POLR3A: variants seen among roughly 807,000 people sequenced by gnomAD.
POLR3A encodes the protein RNA polymerase III subunit A, also known as DNA-directed RNA polymerase III subunit RPC1.
In POLR3A, 112 loss-of-function variants were observed where a neutral mutation model predicts 152.8. That is an observed-to-expected ratio of 0.73 (90% CI 0.63 to 0.86). The LOEUF (loss-of-function observed/expected upper bound fraction) is 0.86. Ranked by LOEUF, POLR3A falls within the 40% of genes least tolerant of loss-of-function variation. The pLI, the probability that POLR3A is intolerant of heterozygous loss-of-function variation, is 0.00. For synonymous variants in POLR3A, 615 were observed against 652.1 expected, an observed-to-expected ratio of 0.94 and a Z score of 0.87; for missense variants, 1,385 against 1,743.1, an observed-to-expected ratio of 0.79 and a Z score of 3.66.
intron 15 of POLR3A, among the ~76,000 whole-genome samples, chr10:78,005,699 G>A (rs1847404298): frequency 6.6e-6 from 1 of 152,238 alleles, no homozygotes; most frequent in Non-Finnish European, 1.5e-5. Context: ...CTAGTGGAAA[G>A]TCTGTATAAG....
chr10:78,002,852 C>T (rs901120527), intron 16 of POLR3A, among the ~76,000 whole-genome samples: 4 of 152,124 alleles, frequency 2.6e-5, no homozygotes, highest in Admixed American at 2.6e-4. Context: ...TTGAAGAATC[C>T]TTTAAATGGC....
At position 78,009,999 on chromosome 10, in the gene POLR3A, T is replaced by A. The variant is rs1172276909; in HGVS notation, c.1643-8A>T. On this transcript the variant is annotated splice_region_variant and splice_polypyrimidine_tract_variant and intron_variant, in intron 12 of 30. Coordinates refer to ENST00000372371, the MANE Select transcript of POLR3A (RefSeq NM_007055.4). ...GAGTGAGGAGATAGGCACCTAAGCA[T>A]TAGGAACCAACACAAAACAAAGAAA... 1 of 1,613,916 alleles carries A rather than the reference T, an allele frequency of 6.2e-7. No homozygotes were observed. Among genetic ancestry groups the A allele is most frequent in the Admixed American group, 1.7e-5 (1 of 60,016 alleles).
chr10:78,019,435 G>A (rs1342454904), intron 8 of POLR3A, 170 bp from the exon 9 acceptor site: 3 of 619,914 alleles, frequency 4.8e-6, no homozygotes, highest in South Asian at 1.9e-5. Context: ...CAACAGACTG[G>A]CAAACAAGCT....
At chr10:77,984,633 C>A (rs1334509995) in intron 24 of POLR3A, among the ~76,000 whole-genome samples, 3 of 152,246 alleles carry the variant, frequency 2.0e-5, no homozygotes, top group African/African-American at 7.2e-5. Context: ...TGAGCCATTG[C>A]GCCCAGCCGA....
intron 4 of POLR3A, 127 bp downstream of exon 4, chr10:78,024,844 G>A: frequency 7.4e-7 from 1 of 1,354,358 alleles, no homozygotes; most frequent in East Asian, 2.3e-5. Flanking sequence ...GACATCAGTT[G>A]TTGGGCTCTT....
intron 19 of POLR3A, among the ~76,000 whole-genome samples, chr10:77,993,980 A>G (rs1330712706): frequency 6.6e-6 from 1 of 152,248 alleles, no homozygotes; most frequent in African/African-American, 2.4e-5. Flanking sequence ...CTTCAAAACA[A>G]AAAATCCCTT....
At chr10:78,027,144 A>T (rs2131962660) in intron 1 of POLR3A, among the ~76,000 whole-genome samples, 1 of 152,338 alleles carries the variant, frequency 6.6e-6, no homozygotes, top group South Asian at 2.1e-4. Context: ...ATGGTCAGAA[A>T]GCCTCACTGT....
chr10:78,010,026 G>C lies in POLR3A; in HGVS notation c.1643-35C>G, dbSNP rs774961689. On this transcript the variant is annotated intron_variant, in intron 12 of 30. Coordinates refer to ENST00000372371, the MANE Select transcript of POLR3A (RefSeq NM_007055.4). ...AGGAACCAACACAAAACAAAGAAAA[G>C]GAATGAAATTGTGAGAATACTGCAA... is the stretch of plus-strand genomic sequence containing the variant. 19 of 1,612,276 alleles carry C rather than the reference G, an allele frequency of 1.2e-5. No homozygotes were observed. The South Asian group carries it at 1.9e-4, about 16-fold the overall frequency.
intron 4 of POLR3A, 100 bp downstream of exon 4, chr10:78,024,871 G>A (rs1296033251): frequency 2.7e-6 from 4 of 1,486,312 alleles, no homozygotes; most frequent in Admixed American, 1.7e-5. Context: ...AATTTATAAG[G>A]AGAAAAGCTG....
intron 19 of POLR3A, among the ~76,000 whole-genome samples, chr10:77,999,168 G>C (rs544731855): frequency 6.6e-6 from 1 of 152,284 alleles, no homozygotes; most frequent in Non-Finnish European, 1.5e-5. Flanking sequence ...GGGGGAGCGG[G>C]GAGGGATAGC....
intron 13 of POLR3A, 34 bp downstream of exon 13, chr10:78,009,830 C>A (rs376486546): frequency 1.2e-6 from 2 of 1,612,662 alleles, no homozygotes; most frequent in Non-Finnish European, 1.7e-6. Flanking sequence ...CACATACACA[C>A]ACCTGTGCAC....
chr10:77,987,799 A>C (rs939221765), intron 21 of POLR3A, among the ~76,000 whole-genome samples: 1 of 152,198 alleles, frequency 6.6e-6, no homozygotes, highest in Non-Finnish European at 1.5e-5. Context: ...CTGTGTCCAC[A>C]TGGTCTTATG....
chr10:78,013,556 G>A (rs1847487015), intron 11 of POLR3A, 94 bp downstream of exon 11: 1 of 1,275,162 alleles, frequency 7.8e-7, no homozygotes, highest in Non-Finnish European at 1.1e-6. Context: ...GGCTTCTTTG[G>A]CGTTGTTAGT....
chr10:78,012,267 G>A (rs1847473640), intron 11 of POLR3A, among the ~76,000 whole-genome samples: 1 of 151,992 alleles, frequency 6.6e-6, no homozygotes, highest in Non-Finnish European at 1.5e-5. Flanking sequence ...AGGAGGCTGA[G>A]GCAGGAGAAT....
chr10:78,020,774 C>T (rs186268754), intron 8 of POLR3A, among the ~76,000 whole-genome samples: 22 of 152,152 alleles, frequency 1.4e-4, no homozygotes, highest in Middle Eastern at 3.4e-3. Context: ...GGCGACAGAG[C>T]GAGACTCCAC....
chr10:78,010,498 T>C lies in POLR3A; in HGVS notation c.1615A>G (p.Ile539Val), dbSNP rs1847456793. Reference protein sequence around the residue: ...LVTPRNGEPLIAAIQDFLTGA... With the variant: ...LVTPRNGEPLVAAIQDFLTGA... ...GTTAGAAAATCCTGAATAGCAGCAA[T>C]CAGCGGTTCCCCATTCCTCGGGGTT... The change falls in exon 12 of 31, where the codon ATT becomes GTT. Residue 539 changes from isoleucine to valine, a missense_variant. By Grantham distance (29) the Ile-to-Val change is conservative (BLOSUM62 3). Transcript: ENST00000372371. 2.5e-6 allele frequency: 4 copies of C among 1,614,076 alleles called. No individual in the cohort carries two copies. Among genetic ancestry groups the C allele is most frequent in the Non-Finnish European group, 3.4e-6 (4 of 1,179,942 alleles).
intron 1 of POLR3A, among the ~76,000 whole-genome samples, chr10:78,028,818 C>T (rs192103908): frequency 1.3e-5 from 2 of 152,096 alleles, no homozygotes; most frequent in Admixed American, 1.3e-4. Context: ...CACTTTCTTA[C>T]CGAGAACTCT....
chr10:78,002,129 C>T, intron 17 of POLR3A, 68 bp downstream of exon 17: 2 of 886,434 alleles, frequency 2.3e-6, no homozygotes, highest in Middle Eastern at 3.1e-4. Context: ...GTGACTATCA[C>T]ATTTTCTGGA....
chr10:78,003,682 G>A (rs1847381446), intron 16 of POLR3A, among the ~76,000 whole-genome samples: 1 of 152,136 alleles, frequency 6.6e-6, no homozygotes, highest in African/African-American at 2.4e-5. Flanking sequence ...CAGCACTTTG[G>A]GAAGCCGAGG....
Sources: allele counts gnomAD v4.1 joint callset (sites outside exome capture counted in the v4.1 genomes callset), GRCh38; gene constraint gnomAD v4.1.1; transcripts MANE v1.5; gene names NCBI Gene and HGNC (gene_info 2026-07-23, HGNC 2026-07-21).